The following CACNA2D3 variants were observed in gnomAD, a reference collection of about 807,000 sequenced individuals.
CACNA2D3 encodes the protein voltage-dependent calcium channel subunit alpha-2/delta-3.
CACNA2D3 carries 60 observed loss-of-function variants against 160.6 expected under a neutral mutation model. That is an observed-to-expected ratio of 0.37 (90% confidence interval 0.30 to 0.46). The LOEUF (loss-of-function observed/expected upper bound fraction) is 0.46. Ranked by LOEUF, CACNA2D3 falls within the 20% of genes least tolerant of loss-of-function variation. The pLI is 1.00. For missense variants in CACNA2D3, 1,205 were observed against 1,365.0 expected, an observed-to-expected ratio of 0.88 and a Z score of 1.85; for synonymous variants, 558 against 492.9, an observed-to-expected ratio of 1.13 and a Z score of -1.75.
chr3:54,529,230 C>G (rs1431098245), intron 5 of CACNA2D3, among the ~76,000 whole-genome samples: 1 of 152,114 alleles, frequency 6.6e-6, no homozygotes, highest in Non-Finnish European at 1.5e-5. Flanking sequence ...TAAACGTGGG[C>G]TCATGTAGTA....
At chr3:54,347,416 A>G (rs1007400738) in intron 3 of CACNA2D3, among the ~76,000 whole-genome samples, 1 of 152,164 alleles carries the variant, frequency 6.6e-6, no homozygotes, top group African/African-American at 2.4e-5. Context: ...CATTTTGGAG[A>G]CCAGCTGAAG....
chr3:55,044,317 C>T (rs1252617481), intron 35 of CACNA2D3, among the ~76,000 whole-genome samples: 1 of 152,086 alleles, frequency 6.6e-6, no homozygotes. Context: ...AATGATTTTT[C>T]CAGTTTTTAA....
intron 17 of CACNA2D3, among the ~76,000 whole-genome samples, chr3:54,864,030 T>C (rs1377511778): frequency 6.6e-6 from 1 of 152,142 alleles, no homozygotes; most frequent in Non-Finnish European, 1.5e-5. Context: ...ATTTTTCTCT[T>C]GGCATAATGT....
At chr3:54,633,280 G>A (rs947684346) in intron 10 of CACNA2D3, among the ~76,000 whole-genome samples, 1 of 152,206 alleles carries the variant, frequency 6.6e-6, no homozygotes, top group Non-Finnish European at 1.5e-5. Context: ...TCTAGAGCTT[G>A]ATGGTCTGGA....
At chr3:55,011,137 GC>G (rs1703202314) in intron 34 of CACNA2D3, among the ~76,000 whole-genome samples, 1 of 152,220 alleles carries the variant, frequency 6.6e-6, no homozygotes, top group South Asian at 2.1e-4. Context: ...GCTGAGTTCT[GC>G]CCCTGCTGAT....
chr3:54,899,546 T>G (rs1209080572), intron 26 of CACNA2D3, among the ~76,000 whole-genome samples: 2 of 152,148 alleles, frequency 1.3e-5, no homozygotes, highest in Non-Finnish European at 2.9e-5. Context: ...AGGCTGGATG[T>G]TCCCCAGTGC....
At chr3:54,252,405 G>A (rs1252742683) in intron 2 of CACNA2D3, among the ~76,000 whole-genome samples, 1 of 152,148 alleles carries the variant, frequency 6.6e-6, no homozygotes, top group Non-Finnish European at 1.5e-5. Flanking sequence ...CTGTGGCCAA[G>A]GAAAATAGGC....
chr3:54,467,895 A>G (rs1700657726), intron 4 of CACNA2D3, among the ~76,000 whole-genome samples: 1 of 152,172 alleles, frequency 6.6e-6, no homozygotes, highest in South Asian at 2.1e-4. Context: ...ATCACAAAGA[A>G]ATGATGAATG....
chr3:54,292,090 T>C (rs995578537), intron 2 of CACNA2D3, among the ~76,000 whole-genome samples: 3 of 152,072 alleles, frequency 2.0e-5, no homozygotes, highest in African/African-American at 7.2e-5. Flanking sequence ...TTTCAACAAA[T>C]GGTGTGGGGA....
intron 11 of CACNA2D3, among the ~76,000 whole-genome samples, chr3:54,675,696 C>T (rs1700232533): frequency 6.6e-6 from 1 of 152,126 alleles, no homozygotes; most frequent in Non-Finnish European, 1.5e-5. Context: ...AATGCACCTC[C>T]ATAGTTGTGC....
At chr3:54,655,426 C>G (rs1032785934) in intron 11 of CACNA2D3, among the ~76,000 whole-genome samples, 2 of 152,234 alleles carry the variant, frequency 1.3e-5, no homozygotes, top group Non-Finnish European at 2.9e-5. Context: ...CCATAATTTT[C>G]AACCACTCGC....
chr3:54,340,475 C>T (rs994381488), intron 3 of CACNA2D3, among the ~76,000 whole-genome samples: 2 of 152,112 alleles, frequency 1.3e-5, no homozygotes, highest in Non-Finnish European at 2.9e-5. Context: ...GATATAAAAG[C>T]TTAATATGTT....
chr3:54,702,679 AT>A (rs1700788443), intron 11 of CACNA2D3, among the ~76,000 whole-genome samples: 1 of 152,164 alleles, frequency 6.6e-6, no homozygotes, highest in African/African-American at 2.4e-5. Context: ...GCAGTTGGAG[AT>A]TTCTCAGAGA....
At chr3:54,994,736 CA>C (rs959690110) in intron 31 of CACNA2D3, among the ~76,000 whole-genome samples, 21 of 152,144 alleles carry the variant, frequency 1.4e-4, no homozygotes, top group Admixed American at 1.2e-3. Flanking sequence ...TTCCATTTGA[CA>C]AACAAGGGAC....
intron 27 of CACNA2D3, among the ~76,000 whole-genome samples, chr3:54,929,271 A>G (rs1439477257): frequency 6.6e-6 from 1 of 152,186 alleles, no homozygotes; most frequent in Non-Finnish European, 1.5e-5. Flanking sequence ...AGTACACGAC[A>G]TGGCCCAGAG....
At chr3:54,694,130 T>G (rs1700617698) in intron 11 of CACNA2D3, among the ~76,000 whole-genome samples, 1 of 152,218 alleles carries the variant, frequency 6.6e-6, no homozygotes, top group Non-Finnish European at 1.5e-5. Flanking sequence ...GTGAGTGCCC[T>G]ATACAGGAGT....
At chr3:54,834,488 A>C (rs1341443654) in intron 14 of CACNA2D3, among the ~76,000 whole-genome samples, 16 of 152,226 alleles carry the variant, frequency 1.1e-4, no homozygotes, top group Admixed American at 1.0e-3. Context: ...TATTTTAAGC[A>C]AGATGTTAGA....
intron 13 of CACNA2D3, among the ~76,000 whole-genome samples, chr3:54,784,412 C>A (rs890345755): frequency 2.6e-5 from 4 of 151,858 alleles, no homozygotes; most frequent in African/African-American, 9.7e-5. Context: ...AGATGGGGGC[C>A]GGAAGGAGAA....
intron 25 of CACNA2D3, 42 bp from the exon 26 acceptor site, chr3:54,896,707 T>C: frequency 6.2e-7 from 1 of 1,613,756 alleles, no homozygotes; most frequent in Non-Finnish European, 8.5e-7. Flanking sequence ...ACCTTTACTC[T>C]GCTGAGTGAT....
Sources: gnomAD v4.1 joint callset for allele counts (sites outside exome capture counted in the v4.1 genomes callset) on GRCh38, gnomAD v4.1.1 for gene constraint, MANE v1.5 for transcripts, NCBI Gene and HGNC (gene_info 2026-07-23, HGNC 2026-07-21) for gene names.